The following CDC42BPA variants were observed in gnomAD, a reference collection of about 807,000 sequenced individuals.
CDC42BPA encodes serine/threonine-protein kinase MRCK alpha.
In CDC42BPA, 80 loss-of-function variants were observed where a neutral mutation model predicts 223.5. That is an observed-to-expected ratio of 0.36 (90% CI 0.30 to 0.43). The LOEUF (loss-of-function observed/expected upper bound fraction) is 0.43, where lower values mean the gene tolerates loss of function less well. Ranked by LOEUF, CDC42BPA falls within the 20% of genes least tolerant of loss-of-function variation. The pLI is 1.00. For synonymous variants in CDC42BPA, 694 were observed against 718.6 expected (o/e 0.97, Z 0.55); for missense variants, 1,743 against 2,099.9 (o/e 0.83, Z 3.32).
At chr1:227,147,208 T>C (rs946926378) in intron 7 of CDC42BPA, 151 bp downstream of exon 7, 2 of 551,980 alleles carry the variant, frequency 3.6e-6, no homozygotes, top group African/African-American at 3.8e-5. Flanking sequence ...ATGAATAATT[T>C]ATGGATTTTG....
chr1:227,297,950 G>GTATATATATA (rs1690938669), intron 1 of CDC42BPA, among the ~76,000 whole-genome samples: 1 of 65,076 alleles, frequency 1.5e-5, no homozygotes, highest in African/African-American at 5.7e-5. Context: ...ATGTGTGTGT[G>GTATATATATA]TGTGTATATA....
rs1661317889 is a variant in CDC42BPA, at chr1:226,994,937, A to G, written c.5019T>C (p.Ser1673=). ...GCCGCTTGGCACTGTAGCTTCCTCC[A>G]GAGAATTCCCTCTTTAATGCGCTGC... ...QNGSALKREF[S]GGSYSAKRQP... is the part of the protein sequence containing the mutation. The change falls in exon 36 of 37, where the codon TCT becomes TCC. Residue 1673 remains serine, a synonymous_variant. Coordinates refer to ENST00000366766, the MANE Select transcript of CDC42BPA (RefSeq NM_001394014.1). The surrounding 1 kb of genome is among the most constrained non-coding windows in gnomAD (Gnocchi z 4.0). 2 of 1,614,176 alleles carry G rather than the reference A, an allele frequency of 1.2e-6. No homozygotes were observed. The highest frequency in any genetic ancestry group is 1.7e-6 in the Non-Finnish European group (2 of 1,180,028).
chr1:227,103,395 T>A (rs1216486579), intron 14 of CDC42BPA, among the ~76,000 whole-genome samples: 1 of 152,088 alleles, frequency 6.6e-6, no homozygotes, highest in African/African-American at 2.4e-5. Context: ...CTGATTTATA[T>A]GAGAAACCTA....
intron 2 of CDC42BPA, among the ~76,000 whole-genome samples, chr1:227,233,056 A>T (rs1359724195): frequency 6.6e-6 from 1 of 152,162 alleles, no homozygotes; most frequent in African/African-American, 2.4e-5. Context: ...GGACCCTCCG[A>T]GCCAGGTGCG....
At chr1:227,149,359 T>A (rs988258536) in intron 6 of CDC42BPA, among the ~76,000 whole-genome samples, 2 of 152,156 alleles carry the variant, frequency 1.3e-5, no homozygotes, top group African/African-American at 4.8e-5. Flanking sequence ...CAAATTCAAA[T>A]CTACTCTGGA....
rs555465732 is a variant in CDC42BPA, at chr1:227,064,438, C to G, written c.2904+5339G>C. Reference sequence around the variant, plus strand: ...TCAAGCCAAGCTTTTTCAGGTTCGGCTGAAAAGAAAATGAACTGAAGAGAG... The same window carrying G: ...TCAAGCCAAGCTTTTTCAGGTTCGGGTGAAAAGAAAATGAACTGAAGAGAG... On this transcript the variant is annotated intron_variant, in intron 21 of 36. Transcript: ENST00000366766. Among the ~76,000 whole-genome samples the G allele has an allele frequency of 8.5e-5, 13 of 152,118 alleles. No individual in the cohort carries two copies. The South Asian group carries it at 2.7e-3, about 32-fold the overall frequency.
intron 5 of CDC42BPA, among the ~76,000 whole-genome samples, chr1:227,185,827 A>C (rs1302624227): frequency 1.3e-5 from 2 of 152,124 alleles, no homozygotes; most frequent in African/African-American, 4.8e-5. Context: ...CACAATGATA[A>C]AACATGTTGT....
chr1:227,233,050 C>G (rs1184411028), intron 2 of CDC42BPA, among the ~76,000 whole-genome samples: 1 of 152,180 alleles, frequency 6.6e-6, no homozygotes, highest in Non-Finnish European at 1.5e-5. Context: ...GGCGTGGGAC[C>G]CTCCGAGCCA....
At chr1:227,055,652 T>C (rs554993710) in intron 21 of CDC42BPA, among the ~76,000 whole-genome samples, 5 of 152,258 alleles carry the variant, frequency 3.3e-5, no homozygotes, top group East Asian at 3.9e-4. Context: ...AATATTCTTT[T>C]TGTCATTTTT....
chr1:227,314,385 CTCTT>C (rs1395308625), intron 1 of CDC42BPA, among the ~76,000 whole-genome samples: 4 of 152,052 alleles, frequency 2.6e-5, no homozygotes, highest in South Asian at 4.1e-4. Context: ...GCTTAATCCT[CTCTT>C]TCTCTTTCCA....
chr1:227,206,845 A>T (rs1672821992), intron 3 of CDC42BPA, among the ~76,000 whole-genome samples: 1 of 152,158 alleles, frequency 6.6e-6, no homozygotes, highest in African/African-American at 2.4e-5. Flanking sequence ...TAATTCTTTT[A>T]ACATATTGCT....
At chr1:227,271,954 A>C (rs572057290) in intron 1 of CDC42BPA, among the ~76,000 whole-genome samples, 2 of 152,316 alleles carry the variant, frequency 1.3e-5, no homozygotes, top group Admixed American at 6.5e-5. Context: ...ACAAAGAAAG[A>C]AAAAATAAAT....
At chr1:227,289,895 A>AAG (rs1689418411) in intron 1 of CDC42BPA, among the ~76,000 whole-genome samples, 1 of 151,216 alleles carries the variant, frequency 6.6e-6, no homozygotes, top group South Asian at 2.1e-4. Context: ...CTACAAAAAA[A>AAG]AAAAAAAAAG....
At chr1:227,267,203 T>C (rs79393783) in intron 1 of CDC42BPA, among the ~76,000 whole-genome samples, 7,176 of 152,220 alleles carry the variant, frequency 0.047, 253 homozygotes, top group South Asian at 0.13. Flanking sequence ...AGAATTTGCA[T>C]TTAGTGTTGA....
chr1:227,253,105 T>C (rs978655464), intron 2 of CDC42BPA, among the ~76,000 whole-genome samples: 1 of 152,120 alleles, frequency 6.6e-6, no homozygotes, highest in East Asian at 1.9e-4. Context: ...GGTGACTCAG[T>C]AGTATTGTTA....
At chr1:227,177,048 G>T (rs1667072197) in intron 5 of CDC42BPA, among the ~76,000 whole-genome samples, 1 of 148,628 alleles carries the variant, frequency 6.7e-6, no homozygotes, top group African/African-American at 2.5e-5. Context: ...TTATCTCATA[G>T]CTGTCATATA....
intron 4 of CDC42BPA, among the ~76,000 whole-genome samples, chr1:227,195,706 T>TAATATC (rs899380689): frequency 9.2e-5 from 14 of 151,596 alleles, no homozygotes; most frequent in Non-Finnish European, 1.8e-4. Context: ...TATATTATTA[T>TAATATC]ATCATATTGT....
chr1:227,264,399 T>C (rs1453607943), intron 1 of CDC42BPA, among the ~76,000 whole-genome samples: 1 of 143,480 alleles, frequency 7.0e-6, no homozygotes, highest in Non-Finnish European at 1.5e-5. Flanking sequence ...ACACAAGGGA[T>C]TACTGAAAAG....
chr1:227,057,897 T>C (rs115899596), intron 21 of CDC42BPA, among the ~76,000 whole-genome samples: 1 of 152,148 alleles, frequency 6.6e-6, no homozygotes, highest in African/African-American at 2.4e-5. Flanking sequence ...AAGTGAGACA[T>C]AATTAATCCA....
Sources: allele counts gnomAD v4.1 joint callset (sites outside exome capture counted in the v4.1 genomes callset), GRCh38; gene constraint gnomAD v4.1.1; non-coding constraint Gnocchi (gnomAD v3.1); transcripts MANE v1.5; gene names NCBI Gene and HGNC (gene_info 2026-07-23, HGNC 2026-07-21).